ZFP62: variants seen among roughly 807,000 people sequenced by gnomAD.
ZFP62 encodes zinc finger protein 62 homolog.
A neutral mutation model predicts 56.4 loss-of-function variants in ZFP62; 44 were observed. The observed-to-expected ratio is 0.78, with a 90% CI of 0.61 to 1.00. The LOEUF (loss-of-function observed/expected upper bound fraction) is 1.00, where lower values mean the gene tolerates loss of function less well. Ranked by LOEUF, ZFP62 falls within the 50% of genes least tolerant of loss-of-function variation. ZFP62 has a pLI of 0.00. For missense variants in ZFP62, 1,030 were observed against 1,085.7 expected, an observed-to-expected ratio of 0.95 and a Z score of 0.72; for synonymous variants, 421 against 388.9, an observed-to-expected ratio of 1.08 and a Z score of -0.97.
Position 180,851,071 on chromosome 5 carries a change from T to G in ZFP62, c.424A>C (p.Lys142Gln), listed in dbSNP as rs772650474. ...AAGGATTTCCCACATTCATCACATT[T>G]ATGTAATTTCTTAACAGCATTGGTT... ...QKTNAVKKLH[K>Q]CDECGKSFKY... Residue 142 changes from lysine to glutamine, a missense_variant, in exon 2 of 2, where the codon AAA becomes CAA. Coordinates refer to ENST00000502412, the MANE Select transcript of ZFP62 (RefSeq NM_001172638.2). The G allele has an allele frequency of 6.4e-7, 1 of 1,551,754 alleles. No homozygotes were observed. The highest frequency in any genetic ancestry group is 1.4e-5 in the African/African-American group (1 of 73,178).
At chr5:180,828,736 A>T in the ZFP62 span, among the ~76,000 whole-genome samples, 69 of 152,326 alleles carry the variant, frequency 4.5e-4, no homozygotes, top group Middle Eastern at 3.4e-3. Context: ...ATTTTTAGGG[A>T]ACAAGGGAAG....
At chr5:180,852,259 G>A (rs1022279642) in intron 1 of ZFP62, among the ~76,000 whole-genome samples, 2 of 152,014 alleles carry the variant, frequency 1.3e-5, no homozygotes, top group Non-Finnish European at 2.9e-5. Flanking sequence ...AAGCCATATG[G>A]AAAAAGATAA....
chr5:180,852,024 T>C (rs748277272), intron 1 of ZFP62: 38 of 986,726 alleles, frequency 3.9e-5, no homozygotes, highest in East Asian at 1.1e-4. Context: ...TATGAAACCA[T>C]GAAGACAGTT....
the ZFP62 span, chr5:180,831,383 G>A: frequency 6.6e-6 from 1 of 152,064 alleles, no homozygotes; most frequent in Non-Finnish European, 1.5e-5. Flanking sequence ...AGGGGCCGTG[G>A]CGCCATCGCG....
chr5:180,829,781 C>T, the ZFP62 span, among the ~76,000 whole-genome samples: 16 of 152,040 alleles, frequency 1.1e-4, no homozygotes, highest in African/African-American at 2.4e-4. Flanking sequence ...ACCTCGGAGC[C>T]GACACTGAAA....
In ZFP62 at chr5:180,848,545, C is replaced by A. The variant is rs948815751; in HGVS notation, c.*247G>T. 74 of 1,207,796 alleles carry A rather than the reference C, an allele frequency of 6.1e-5. No homozygotes were observed. In the African/African-American group the frequency reaches 9.8e-4, roughly 16 times the overall value. 74.8% of individuals were successfully genotyped at this position (1,207,796 alleles called of 1,614,324 possible). ...TGATTTTGAAGATTTGCTTCACATT[C>A]CATCACTCAGATCTAAGTTTTTCTC... On this transcript the variant is annotated 3_prime_UTR_variant, in exon 2 of 2. Transcript: ENST00000502412.
the ZFP62 span, among the ~76,000 whole-genome samples, chr5:180,839,025 G>C: frequency 2.6e-5 from 4 of 152,170 alleles, no homozygotes; most frequent in Non-Finnish European, 5.9e-5. Context: ...TCATGAGGGG[G>C]TTAAGTAAAG....
In ZFP62 at chr5:180,850,604, C is replaced by T; in HGVS notation, c.891G>A (p.Arg297=). The part of the protein sequence containing the change: ...GKTFSNSSGL[R]VHKRIHTGEK... ...CACCTGTGTGGATCCTTTTATGGAC[C>T]CTAAGGCCAGAGCTGTTACTGAAGG... is the stretch of plus-strand genomic sequence containing the variant. The change falls in exon 2 of 2, where the codon AGG becomes AGA. Residue 297 remains arginine, a synonymous_variant. Transcript: ENST00000502412. 1 of 1,564,184 alleles carries T rather than the reference C, an allele frequency of 6.4e-7. No individual in the cohort carries two copies. The highest frequency in any genetic ancestry group is 8.7e-7 in the Non-Finnish European group (1 of 1,154,472).
At chr5:180,834,829 C>T in the ZFP62 span, 6 of 152,262 alleles carry the variant, frequency 3.9e-5, no homozygotes, top group African/African-American at 1.2e-4. Flanking sequence ...TGGGGAAGCA[C>T]TGTTTCTGAG....
At chr5:180,839,032 A>G in the ZFP62 span, among the ~76,000 whole-genome samples, 1 of 151,712 alleles carries the variant, frequency 6.6e-6, no homozygotes, top group Non-Finnish European at 1.5e-5. Flanking sequence ...GGGGTTAAGT[A>G]AAGTATGGTA....
At chr5:180,858,892 T>C (rs1030914447) in intron 1 of ZFP62, among the ~76,000 whole-genome samples, 1 of 152,136 alleles carries the variant, frequency 6.6e-6, no homozygotes, top group African/African-American at 2.4e-5. Flanking sequence ...AATAGCCTGG[T>C]TACATCAGCC....
rs189740024 is a variant in ZFP62 at position 180,859,042 on chromosome 5, C to A, written c.1+2177G>T. Among the ~76,000 whole-genome samples the A allele has an allele frequency of 5.3e-5, 8 of 152,328 alleles. No homozygotes were observed. The East Asian group carries it at 1.5e-3, about 29-fold the overall frequency. On this transcript the variant is annotated intron_variant, in intron 1 of 1. Coordinates refer to ENST00000502412, the MANE Select transcript of ZFP62 (RefSeq NM_001172638.2). ...GAATGCAAACAGTTAAGAACCGGCC[C>A]TACATTCTTGCTGTCTCTGCCTCCG...
At chr5:180,837,956 GA>G in the ZFP62 span, among the ~76,000 whole-genome samples, 2 of 152,050 alleles carry the variant, frequency 1.3e-5, no homozygotes, top group Non-Finnish European at 2.9e-5. Context: ...TTTCCCTCAA[GA>G]AAAAAACCTT....
In ZFP62 at chr5:180,858,257, CAAAAAAAAAAAA is replaced by C. The variant is rs1159409435; in HGVS notation, c.1+2950_1+2961del. On this transcript the variant is annotated intron_variant, in intron 1 of 1. Coordinates refer to ENST00000502412, the MANE Select transcript of ZFP62 (RefSeq NM_001172638.2). ...GGGCAAGAAGAGTGAAACTCTGTCTCAAAAAAAAAAAAAAAAAAAAAGAAAAAAAGAAAAGAA... is the reference window on the plus strand; with the variant it reads ...GGGCAAGAAGAGTGAAACTCTGTCTCAAAAAAAAAGAAAAAAAGAAAAGAA... 3.3e-3 allele frequency among the ~76,000 whole-genome samples: 132 copies of C among 40,272 alleles called. 1 individual carries two copies. The highest frequency in any genetic ancestry group is 0.011 in the African/African-American group (131 of 12,430). 26.4% of individuals were successfully genotyped at this position (40,272 alleles called of 152,430 possible). A position where few individuals can be genotyped will look rare whatever the true frequency, so the allele number is the denominator to read the frequency against.
the ZFP62 span, among the ~76,000 whole-genome samples, chr5:180,841,300 CATATATATATACAT>C: frequency 3.3e-5 from 4 of 119,960 alleles, no homozygotes; most frequent in Admixed American, 2.0e-4. Flanking sequence ...TATACATACA[CATATATATATACAT>C]ACACACATAT....
downstream of ZFP62, among the ~76,000 whole-genome samples, chr5:180,844,717 A>G (rs1773377130): frequency 6.6e-6 from 1 of 152,160 alleles, no homozygotes; most frequent in South Asian, 2.1e-4. Context: ...TTTAGAGACA[A>G]TGGATTGCTT....
chr5:180,852,086 C>T lies in ZFP62; in HGVS notation c.2-593G>A, dbSNP rs192171877. ...CTGCATATTAAAATATATTATTAAACGTCTATAATTAAAATAGTATGGTCC... is the reference window on the plus strand; with the variant it reads ...CTGCATATTAAAATATATTATTAAATGTCTATAATTAAAATAGTATGGTCC... On this transcript the variant is annotated intron_variant, in intron 1 of 1. Coordinates refer to ENST00000502412, the MANE Select transcript of ZFP62 (RefSeq NM_001172638.2). The T allele has an allele frequency of 5.1e-4, 474 of 929,114 alleles. 1 individual carries two copies. The African/African-American group carries it at 5.7e-3, about 11-fold the overall frequency. The allele number at this position is 929,114 out of a possible 1,614,324, so 57.6% of individuals were successfully genotyped here.
At chr5:180,828,673 G>C in the ZFP62 span, among the ~76,000 whole-genome samples, 1 of 152,146 alleles carries the variant, frequency 6.6e-6, no homozygotes, top group African/African-American at 2.4e-5. Context: ...TATAAAACGT[G>C]TGTTTGAACA....
At chr5:180,857,689 G>A (rs1477237894) in intron 1 of ZFP62, among the ~76,000 whole-genome samples, 2 of 152,016 alleles carry the variant, frequency 1.3e-5, no homozygotes, top group Admixed American at 6.5e-5. Context: ...GTAGAGATGG[G>A]GTTTTGCCAT....
Sources: allele counts gnomAD v4.1 joint callset (sites outside exome capture counted in the v4.1 genomes callset), GRCh38; gene constraint gnomAD v4.1.1; transcripts MANE v1.5; gene names NCBI Gene and HGNC (gene_info 2026-07-23, HGNC 2026-07-21).